FAM200B: variants seen among roughly 807,000 people sequenced by gnomAD.
FAM200B encodes protein FAM200B.
A neutral mutation model predicts 33.1 loss-of-function variants in FAM200B; 32 were observed. The observed-to-expected ratio is 0.97, with a 90% confidence interval of 0.73 to 1.30. The LOEUF is 1.30. Ranked by LOEUF, FAM200B falls within the 50% of genes most tolerant of loss-of-function variation. The pLI is 0.00. For synonymous variants in FAM200B, 240 were observed against 264.8 expected (o/e 0.91, Z 0.91); for missense variants, 741 against 754.0 (o/e 0.98, Z 0.20).
the FAM200B span, among the ~76,000 whole-genome samples, chr4:15,666,080 G>T: frequency 3.3e-5 from 5 of 151,964 alleles, no homozygotes; most frequent in Admixed American, 3.3e-4. Flanking sequence ...ACCTTTTAGG[G>T]TGACTTGGCT....
rs540162606 is a variant in FAM200B at position 15,689,205 on chromosome 4, G to A, written c.*254G>A. 5.4e-4 allele frequency: 174 copies of A among 324,346 alleles called. 1 individual carries two copies. The highest frequency in any genetic ancestry group is 3.5e-3 in the African/African-American group (162 of 46,772). 20.1% of individuals were successfully genotyped at this position (324,346 alleles called of 1,614,324 possible). ...AATTCCCTAGTAGAGTTTATATCCT[G>A]GCAAGGAGAAATTGACAATAAACCT... On this transcript the variant is annotated 3_prime_UTR_variant, in exon 2 of 2. Transcript: ENST00000422728.
the FAM200B span, among the ~76,000 whole-genome samples, chr4:15,663,147 T>G: frequency 6.6e-6 from 1 of 152,186 alleles, no homozygotes; most frequent in Non-Finnish European, 1.5e-5. Flanking sequence ...TTCCTAGAAA[T>G]GATATCCTTT....
Position 15,687,705 on chromosome 4 carries a change from T to C in FAM200B, c.728T>C (p.Val243Ala). 1 of 1,551,160 alleles carries C rather than the reference T, an allele frequency of 6.4e-7. No individual in the cohort carries two copies. Among genetic ancestry groups the C allele is most frequent in the Non-Finnish European group, 8.7e-7 (1 of 1,146,760 alleles). Residue 243 changes from valine (V) to alanine (A), a missense_variant, in exon 2 of 2, where the codon GTT becomes GCT. Physicochemically the swap from Val to Ala is moderately conservative, Grantham distance 64. Coordinates refer to ENST00000422728, the MANE Select transcript of FAM200B (RefSeq NM_001145191.2). Reference sequence around the variant, plus strand: ...ATTGGAAGCTGCACAACACTTTTAGTTTATGTCAGATATGCGTGGCAAGAT... The same window carrying C: ...ATTGGAAGCTGCACAACACTTTTAGCTTATGTCAGATATGCGTGGCAAGAT... ...TDIGSCTTLLVYVRYAWQDDF... is the reference protein window; with the variant it reads ...TDIGSCTTLLAYVRYAWQDDF...
the FAM200B span, among the ~76,000 whole-genome samples, chr4:15,647,272 A>AAACC: frequency 7.1e-6 from 1 of 141,010 alleles, no homozygotes; most frequent in African/African-American, 2.6e-5. Flanking sequence ...AAATAAAAAT[A>AAACC]AACAACAACA....
chr4:15,653,726 A>G, the FAM200B span, among the ~76,000 whole-genome samples: 1 of 152,158 alleles, frequency 6.6e-6, no homozygotes, highest in African/African-American at 2.4e-5. Flanking sequence ...ACACTATAAT[A>G]CTGCTAAGTA....
the FAM200B span, among the ~76,000 whole-genome samples, chr4:15,640,393 G>T: frequency 2.2e-5 from 2 of 91,604 alleles, no homozygotes; most frequent in South Asian, 4.1e-4. Flanking sequence ...CTACACTACT[G>T]AAAAAAAAAA....
At chr4:15,646,461 G>GAA in the FAM200B span, among the ~76,000 whole-genome samples, 65 of 133,010 alleles carry the variant, frequency 4.9e-4, no homozygotes, top group Middle Eastern at 4.0e-3. Context: ...TCATTTTTTG[G>GAA]AAAAAAAAAA....
At chr4:15,685,269 G>A (rs968201808) in intron 1 of FAM200B, among the ~76,000 whole-genome samples, 4 of 152,118 alleles carry the variant, frequency 2.6e-5, no homozygotes, top group African/African-American at 9.7e-5. Flanking sequence ...AGGAAGCATG[G>A]CACCTTACAC....
chr4:15,668,434 T>C, the FAM200B span, among the ~76,000 whole-genome samples: 2 of 151,818 alleles, frequency 1.3e-5, no homozygotes, highest in African/African-American at 4.8e-5. Flanking sequence ...ACAGCAGATT[T>C]TGACTTTATT....
chr4:15,661,004 GAGA>G, the FAM200B span, among the ~76,000 whole-genome samples: 4 of 151,924 alleles, frequency 2.6e-5, no homozygotes, highest in African/African-American at 4.8e-5. Flanking sequence ...TTAAACCTGA[GAGA>G]AGGAGGTTGC....
chr4:15,665,551 T>C, the FAM200B span, among the ~76,000 whole-genome samples: 1 of 152,122 alleles, frequency 6.6e-6, no homozygotes, highest in African/African-American at 2.4e-5. Context: ...ACAGCTAATA[T>C]TCAAATATAA....
the FAM200B span, chr4:15,656,285 T>C: frequency 2.2e-6 from 1 of 456,250 alleles, no homozygotes; most frequent in Non-Finnish European, 4.4e-6. Flanking sequence ...ACAGACCTCC[T>C]GGAGACTCTG....
chr4:15,656,084 G>T, the FAM200B span: 1 of 433,438 alleles, frequency 2.3e-6, no homozygotes, highest in Non-Finnish European at 4.7e-6. Flanking sequence ...TGCACCTCAA[G>T]TGCAGGAACG....
At chr4:15,654,814 C>T in the FAM200B span, among the ~76,000 whole-genome samples, 1 of 152,166 alleles carries the variant, frequency 6.6e-6, no homozygotes, top group African/African-American at 2.4e-5. Flanking sequence ...GGGAGTCCAC[C>T]GCAGGTGGCC....
the FAM200B span, chr4:15,638,495 A>G: frequency 6.4e-7 from 1 of 1,553,290 alleles, no homozygotes; most frequent in African/African-American, 1.6e-5. Flanking sequence ...TTCTTTATAT[A>G]TATGAATCTC....
rs1211207835 is a variant in FAM200B at position 15,686,708 on chromosome 4, A to T, written c.-270A>T. 2 of 225,134 alleles carry T rather than the reference A, an allele frequency of 8.9e-6. No individual in the cohort carries two copies. The highest frequency in any genetic ancestry group is 1.7e-5 in the Non-Finnish European group (2 of 116,058). 13.9% of individuals were successfully genotyped at this position (225,134 alleles called of 1,614,324 possible). ...GTATTTGATGGAGGAGATATGATGA[A>T]TAGAATGTATATTGGCTAAGAAATG... On this transcript the variant is annotated 5_prime_UTR_variant, in exon 2 of 2. Coordinates refer to ENST00000422728, the MANE Select transcript of FAM200B (RefSeq NM_001145191.2).
chr4:15,676,554 C>T, the FAM200B span, among the ~76,000 whole-genome samples: 1 of 152,092 alleles, frequency 6.6e-6, no homozygotes, highest in African/African-American at 2.4e-5. Context: ...GTGTAAAAAA[C>T]ATTTTTTGGC....
chr4:15,682,140 A>G (rs1190115454), intron 1 of FAM200B: 1 of 152,404 alleles, frequency 6.6e-6, no homozygotes, highest in Non-Finnish European at 1.5e-5. Flanking sequence ...ACCGGTCAGG[A>G]GTCTCCTGGG....
chr4:15,648,446 G>A, the FAM200B span, among the ~76,000 whole-genome samples: 4 of 152,244 alleles, frequency 2.6e-5, no homozygotes, highest in South Asian at 8.3e-4. Flanking sequence ...GTTCAATGCA[G>A]CATTATTCAT....
Sources: gnomAD v4.1 joint callset for allele counts (sites outside exome capture counted in the v4.1 genomes callset) on GRCh38, gnomAD v4.1.1 for gene constraint, MANE v1.5 for transcripts, NCBI Gene and HGNC (gene_info 2026-07-23, HGNC 2026-07-21) for gene names.